Variants in KDM2B observed in about 807,000 individuals in gnomAD.
KDM2B encodes lysine-specific demethylase 2B.
In KDM2B, 26 loss-of-function variants were observed where a neutral mutation model predicts 150.0. The ratio of observed to expected loss-of-function variants is 0.17; its 90% CI spans 0.13 to 0.24. The LOEUF is 0.24. Ranked by LOEUF, KDM2B falls within the 10% of genes least tolerant of loss-of-function variation. The probability of loss-of-function intolerance (pLI) is 1.00; values close to 1 mark genes in which losing one functional copy is unlikely to be tolerated. For synonymous variants in KDM2B, 734 were observed against 729.5 expected (o/e 1.01, Z -0.10); for missense variants, 1,265 against 1,816.9 (o/e 0.70, Z 5.52).
chr12:121,420,313 A>G, the KDM2B span: 3 of 1,576,884 alleles, frequency 1.9e-6, no homozygotes, highest in Non-Finnish European at 2.6e-6. Context: ...ATGATGATGA[A>G]GAAGAAAACG....
At chr12:121,542,692 A>G (rs530182963) in intron 6 of KDM2B, among the ~76,000 whole-genome samples, 1 of 152,332 alleles carries the variant, frequency 6.6e-6, no homozygotes, top group East Asian at 1.9e-4. Context: ...TATACATCCA[A>G]TGCATTCCTG....
chr12:121,464,119 G>C (rs1555294293), intron 12 of KDM2B, among the ~76,000 whole-genome samples: 2 of 152,104 alleles, frequency 1.3e-5, no homozygotes, highest in Non-Finnish European at 2.9e-5. Context: ...TGTAGTCCTG[G>C]CTACTCAGGA....
At chr12:121,466,332 C>G (rs551927024) in intron 12 of KDM2B, among the ~76,000 whole-genome samples, 1 of 152,342 alleles carries the variant, frequency 6.6e-6, no homozygotes, top group East Asian at 1.9e-4. Flanking sequence ...GATTATACTT[C>G]GTAAAACCTC....
In KDM2B at chr12:121,430,504, G is replaced by C; in HGVS notation, c.3830-35C>G. The C allele has an allele frequency of 2.6e-6, 4 of 1,544,676 alleles. No individual in the cohort carries two copies. Among genetic ancestry groups the C allele is most frequent in the Non-Finnish European group, 3.6e-6 (4 of 1,117,340 alleles). On this transcript the variant is annotated intron_variant, in intron 22 of 22. Transcript: ENST00000377071. This position sits in a 1 kb window ranked among gnomAD's most constrained non-coding sequence, Gnocchi z 4.4. ...AGAAATAGTAATGTGAGGTGTGAAG[G>C]CCAGGAGCCAGAAGCCCCCCCGCCG...
chr12:121,410,721 T>C, the KDM2B span, among the ~76,000 whole-genome samples: 2 of 152,164 alleles, frequency 1.3e-5, no homozygotes, highest in African/African-American at 2.4e-5. Context: ...AAGGTTATTC[T>C]CTCACTGGGA....
In KDM2B at chr12:121,453,307, G is replaced by A. The variant is rs781784190; in HGVS notation, c.1772C>T (p.Pro591Leu). Residue 591 changes from proline to leucine, a missense_variant, in exon 13 of 23, where the codon CCG (proline) becomes CTG (leucine). Physicochemically the swap from Pro to Leu is moderately conservative, Grantham distance 98. This residue lies in a region of KDM2B where 69 missense variants were observed against 85.7 expected (regional missense o/e 0.81). Coordinates refer to ENST00000377071, the MANE Select transcript of KDM2B (RefSeq NM_032590.5). This position sits in a 1 kb window ranked among gnomAD's most constrained non-coding sequence, Gnocchi z 6.4. ...GGCGGCCAACTTCACCGCGGAGGCC[G>A]GGCCCAGCTTCCCCTTGGGCCGACC... ...AVGRPKGKLG[P>L]ASAVKLAANR... 5.6e-6 allele frequency: 9 copies of A among 1,596,192 alleles called. No individual in the cohort carries two copies. In the Admixed American group the frequency reaches 1.2e-4, roughly 21 times the overall value.
intron 8 of KDM2B, chr12:121,524,903 G>C (rs1555306555): frequency 4.0e-6 from 1 of 251,266 alleles, no homozygotes; most frequent in Non-Finnish European, 8.4e-6. Context: ...ACCTCAGGGG[G>C]CCCAAGAAGG....
intron 4 of KDM2B, among the ~76,000 whole-genome samples, chr12:121,565,963 G>A (rs115072467): frequency 0.02 from 3,030 of 150,476 alleles, 100 homozygotes; most frequent in African/African-American, 0.069. Flanking sequence ...TAATAACAGT[G>A]CTGGGTCAAC....
At chr12:121,516,382 G>T in intron 9 of KDM2B, 1 of 812,988 alleles carries the variant, frequency 1.2e-6, no homozygotes, top group Non-Finnish European at 1.7e-6. Flanking sequence ...AAATGCTGAT[G>T]AAGGAATTCA....
rs373020484 is a variant in KDM2B at position 121,532,856 on chromosome 12, C to T, written c.881G>A (p.Arg294Gln). Residue 294 changes from arginine (R) to glutamine (Q), a missense_variant, in exon 8 of 23, where the codon CGA becomes CAA. This residue lies in a region of KDM2B where 214 missense variants were observed against 447.4 expected (regional missense o/e 0.48). Coordinates refer to ENST00000377071, the MANE Select transcript of KDM2B (RefSeq NM_032590.5). ...CTGCTTCAGCTCAATTCTTTGGCAT[C>T]GTTCCACACGGTCTCCCAGAAAGAT... is the stretch of plus-strand genomic sequence containing the variant. ...SDIFLGDRVE[R>Q]CQRIELKQGY... is the part of the protein sequence containing the mutation. 3.7e-6 allele frequency: 6 copies of T among 1,614,106 alleles called. No homozygotes were observed. Among genetic ancestry groups the T allele is most frequent in the South Asian group, 1.1e-5 (1 of 91,092 alleles).
At chr12:121,477,695 A>G (rs1881544345) in intron 12 of KDM2B, among the ~76,000 whole-genome samples, 1 of 150,032 alleles carries the variant, frequency 6.7e-6, no homozygotes, top group Non-Finnish European at 1.5e-5. Context: ...CTTGTGCCTC[A>G]GCCTCCAGAG....
At chr12:121,411,443 A>C in the KDM2B span, among the ~76,000 whole-genome samples, 1 of 152,160 alleles carries the variant, frequency 6.6e-6, no homozygotes, top group African/African-American at 2.4e-5. Flanking sequence ...AGTTGAAAAA[A>C]AAATTTTCAG....
rs1274803518 is a variant in KDM2B, at chr12:121,467,384, G to C, written c.1735-14040C>G. 6 of 976,250 alleles carry C rather than the reference G, an allele frequency of 6.1e-6. No homozygotes were observed. In the East Asian group the frequency reaches 6.9e-4, roughly 112 times the overall value. The allele number at this position is 976,250 out of a possible 1,614,324, so 60.5% of individuals were successfully genotyped here. A position where few individuals can be genotyped will look rare whatever the true frequency, so the allele number is the denominator to read the frequency against. ...GCGCCTCGCACGCCCGCGCTGGAGGGGGCGGGGAGGGGCCGGCGGGGGAGG... is the reference window on the plus strand; with the variant it reads ...GCGCCTCGCACGCCCGCGCTGGAGGCGGCGGGGAGGGGCCGGCGGGGGAGG... On this transcript the variant is annotated intron_variant, in intron 12 of 22. Coordinates refer to ENST00000377071, the MANE Select transcript of KDM2B (RefSeq NM_032590.5). The surrounding 1 kb of genome is among the most constrained non-coding windows in gnomAD (Gnocchi z 5.1).
chr12:121,546,379 CTTTTTTT>C (rs371614406), intron 6 of KDM2B, among the ~76,000 whole-genome samples: 1 of 97,478 alleles, frequency 1.0e-5, no homozygotes, highest in Non-Finnish European at 1.9e-5. Context: ...TTTTTTTTGC[CTTTTTTT>C]TTTTTTTTTT....
intron 4 of KDM2B, among the ~76,000 whole-genome samples, chr12:121,557,972 A>G (rs1349279924): frequency 6.6e-6 from 1 of 152,176 alleles, no homozygotes; most frequent in Non-Finnish European, 1.5e-5. Context: ...AACACCTTCT[A>G]TAACGAAATC....
rs1446812049 is a variant in KDM2B, at chr12:121,520,567, T to C, written c.1047+418A>G. On this transcript the variant is annotated intron_variant, in intron 9 of 22. Transcript: ENST00000377071. The surrounding 1 kb of genome is among the most constrained non-coding windows in gnomAD (Gnocchi z 4.5). Reference sequence around the variant, plus strand: ...GATCTGGGGTCCCTGGGAGAACATATAGCCAAGACCTGACCTCAGACCAGG... The same window carrying C: ...GATCTGGGGTCCCTGGGAGAACATACAGCCAAGACCTGACCTCAGACCAGG... Among the ~76,000 whole-genome samples the C allele has an allele frequency of 6.6e-6, 1 of 151,978 alleles. No individual in the cohort carries two copies. The highest frequency in any genetic ancestry group is 1.9e-4 in the East Asian group (1 of 5,160).
intron 10 of KDM2B, among the ~76,000 whole-genome samples, chr12:121,511,018 T>A (rs1885535808): frequency 7.8e-6 from 1 of 128,962 alleles, no homozygotes; most frequent in Non-Finnish European, 1.5e-5. Flanking sequence ...GTCTTTTCTC[T>A]TTTTTTTTTT....
intron 11 of KDM2B, among the ~76,000 whole-genome samples, chr12:121,497,402 T>A (rs1419977244): frequency 6.6e-6 from 1 of 152,052 alleles, no homozygotes; most frequent in African/African-American, 2.4e-5. Context: ...CCTCCCAGGT[T>A]CAAGCGAGTC....
At chr12:121,413,415 C>CTTTTTTTTTTTTTTTTTTTTT in the KDM2B span, among the ~76,000 whole-genome samples, 1 of 130,694 alleles carries the variant, frequency 7.7e-6, no homozygotes, top group Non-Finnish European at 1.6e-5. Flanking sequence ...TTTACCTGTC[C>CTTTTTTTTTTTTTTTTTTTTT]TTTTTTTTTT....
Sources: gnomAD v4.1 joint callset for allele counts (sites outside exome capture counted in the v4.1 genomes callset) on GRCh38, gnomAD v4.1.1 for gene constraint, gnomAD v4.1.1 regional missense constraint, Gnocchi (gnomAD v3.1) non-coding constraint, MANE v1.5 for transcripts, NCBI Gene and HGNC (gene_info 2026-07-23, HGNC 2026-07-21) for gene names.